The following SIMC1 variants were observed in gnomAD, a reference collection of about 807,000 sequenced individuals.
SIMC1 encodes the protein SUMO interacting motifs containing 1, also known as SUMO-interacting motif-containing protein 1.
Under a neutral mutation model 82.3 loss-of-function variants are expected in SIMC1, and 55 were observed. The observed-to-expected ratio is 0.67, with a 90% CI of 0.54 to 0.84. The LOEUF (loss-of-function observed/expected upper bound fraction) is 0.84, where lower values mean the gene tolerates loss of function less well. Ranked by LOEUF, SIMC1 falls within the 40% of genes least tolerant of loss-of-function variation. The pLI, the probability that SIMC1 is intolerant of heterozygous loss-of-function variation, is 0.00. For synonymous variants in SIMC1, 353 were observed against 426.3 expected, an observed-to-expected ratio of 0.83 and a Z score of 2.12; for missense variants, 915 against 1,107.2, an observed-to-expected ratio of 0.83 and a Z score of 2.46.
chr5:176,308,869 C>A, intron 4 of SIMC1: 1 of 1,331,622 alleles, frequency 7.5e-7, no homozygotes, highest in Non-Finnish European at 1.1e-6. Context: ...CAGTGTTTAC[C>A]AAGAATCTGT....
At chr5:176,275,035 G>C (rs1349389326) in intron 1 of SIMC1, among the ~76,000 whole-genome samples, 1 of 151,606 alleles carries the variant, frequency 6.6e-6, no homozygotes, top group East Asian at 1.9e-4. Context: ...AGCTTGATGG[G>C]GATGGCATTG....
intron 6 of SIMC1, 56 bp from the exon 7 acceptor site, chr5:176,324,573 A>G (rs1765294112): frequency 7.0e-6 from 11 of 1,568,362 alleles, no homozygotes; most frequent in Non-Finnish European, 9.5e-6. Context: ...TCCCAGCCAG[A>G]GAGTGGCTCC....
intron 5 of SIMC1, among the ~76,000 whole-genome samples, chr5:176,319,846 C>T (rs1312702326): frequency 6.6e-6 from 1 of 152,104 alleles, no homozygotes; most frequent in Non-Finnish European, 1.5e-5. Context: ...GTCTCTATCT[C>T]TTTATGTTAA....
At chr5:176,277,340 G>A (rs1186383267) in intron 1 of SIMC1, among the ~76,000 whole-genome samples, 1 of 151,766 alleles carries the variant, frequency 6.6e-6, no homozygotes, top group Non-Finnish European at 1.5e-5. Context: ...TGTAGATTCT[G>A]GATATTAGCC....
At chr5:176,294,857 C>G in intron 2 of SIMC1, 173 bp from the exon 3 acceptor site, 1 of 885,510 alleles carries the variant, frequency 1.1e-6, no homozygotes, top group South Asian at 1.9e-5. Flanking sequence ...CCCAGCTACT[C>G]TGGAGGCTGA....
chr5:176,313,962 G>A, intron 5 of SIMC1, 117 bp downstream of exon 5: 1 of 1,317,534 alleles, frequency 7.6e-7, no homozygotes, highest in East Asian at 2.5e-5. Flanking sequence ...GTGTAATAGG[G>A]CTAATTTTTA....
At chr5:176,292,574 C>A (rs1396455401) in intron 2 of SIMC1, among the ~76,000 whole-genome samples, 2 of 151,984 alleles carry the variant, frequency 1.3e-5, no homozygotes, top group Non-Finnish European at 2.9e-5. Flanking sequence ...AGAGTCTCAC[C>A]CTGTCACCCA....
At chr5:176,322,075 A>T (rs1405795272) in intron 5 of SIMC1, among the ~76,000 whole-genome samples, 198 bp from the exon 6 acceptor site, 1 of 151,848 alleles carries the variant, frequency 6.6e-6, no homozygotes, top group Non-Finnish European at 1.5e-5. Context: ...TGTTTTTATT[A>T]GACTTGTTTA....
chr5:176,273,638 A>G (rs183753935), intron 1 of SIMC1, among the ~76,000 whole-genome samples: 4 of 152,252 alleles, frequency 2.6e-5, no homozygotes, highest in East Asian at 3.9e-4. Flanking sequence ...ATATCTCCCA[A>G]TGCTATCCCT....
At chr5:176,344,468 TACACACACACACACACACACACACAC>T (rs57991528) in intron 9 of SIMC1, among the ~76,000 whole-genome samples, 1 of 146,542 alleles carries the variant, frequency 6.8e-6, no homozygotes, top group East Asian at 2.0e-4. Context: ...GTCAGGAGTA[TACACACACACACACACACACACACAC>T]ACACACACAC....
At chr5:176,289,607 C>T (rs1305179987) in intron 1 of SIMC1, 47 bp from the exon 2 acceptor site, 1 of 1,434,846 alleles carries the variant, frequency 7.0e-7, no homozygotes, top group Non-Finnish European at 9.4e-7. Context: ...TCAGATAAAG[C>T]TAATACTCCC....
At chr5:176,274,909 G>A (rs570405291) in intron 1 of SIMC1, among the ~76,000 whole-genome samples, 2 of 151,862 alleles carry the variant, frequency 1.3e-5, no homozygotes, top group African/African-American at 2.4e-5. Context: ...GTCAGGTAGC[G>A]TGATGCCTCC....
At chr5:176,330,824 A>G (rs1406547928) in intron 7 of SIMC1, among the ~76,000 whole-genome samples, 1 of 152,178 alleles carries the variant, frequency 6.6e-6, no homozygotes, top group East Asian at 1.9e-4. Flanking sequence ...GAGTAACAAG[A>G]TATTTGCATG....
chr5:176,285,813 C>T (rs1359871885), intron 1 of SIMC1, among the ~76,000 whole-genome samples: 1 of 152,048 alleles, frequency 6.6e-6, no homozygotes, highest in Non-Finnish European at 1.5e-5. Flanking sequence ...AATCAATGTG[C>T]AAAAAATCAC....
At chr5:176,252,569 TC>T (rs779217281) in intron 1 of SIMC1, among the ~76,000 whole-genome samples, 41 of 148,484 alleles carry the variant, frequency 2.8e-4, no homozygotes, top group Non-Finnish European at 7.4e-5. Flanking sequence ...GCTCCTCACT[TC>T]CTAGATGGGA....
intron 7 of SIMC1, among the ~76,000 whole-genome samples, chr5:176,326,526 C>T (rs1249854571): frequency 6.6e-6 from 1 of 152,014 alleles, no homozygotes; most frequent in Non-Finnish European, 1.5e-5. Flanking sequence ...AGCCACCGCA[C>T]CCAACCTTAT....
Position 176,345,654 on chromosome 5 carries a change from GTA to G in SIMC1, c.*217_*218del, listed in dbSNP as rs1407951075. Reference sequence around the variant, plus strand: ...CTCAAATATGGCTTAAATATACAAGGTATATATATTTTTTAATAAATTATTTA... The same window carrying G: ...CTCAAATATGGCTTAAATATACAAGGTATATATTTTTTAATAAATTATTTA... On this transcript the variant is annotated 3_prime_UTR_variant, in exon 10 of 10. Transcript: ENST00000429602. The G allele has an allele frequency of 1.2e-5, 4 of 326,648 alleles. No individual in the cohort carries two copies. The highest frequency in any genetic ancestry group is 6.4e-5 in the African/African-American group (3 of 46,764). The allele number at this position is 326,648 out of a possible 1,614,324, so 20.2% of individuals were successfully genotyped here.
chr5:176,291,244 A>C (rs1416079354), intron 2 of SIMC1, among the ~76,000 whole-genome samples: 1 of 146,718 alleles, frequency 6.8e-6, no homozygotes, highest in Non-Finnish European at 1.5e-5. Flanking sequence ...GCTCACTGCA[A>C]CCTCCGCCTC....
In SIMC1 at chr5:176,285,425, C is replaced by T. The variant is rs1581253886; in HGVS notation, c.130-4229C>T. Among the ~76,000 whole-genome samples the T allele has an allele frequency of 2.0e-5, 3 of 152,298 alleles. No homozygotes were observed. In the South Asian group the frequency reaches 6.2e-4, roughly 32 times the overall value. On this transcript the variant is annotated intron_variant, in intron 1 of 9. Coordinates refer to ENST00000429602, the MANE Select transcript of SIMC1 (RefSeq NM_001308195.2). ...CAATAGATGCAGAAAAGGCCTTTGA[C>T]AAAATTCAACAGCACTTCATGCTAA...
Sources: allele counts gnomAD v4.1 joint callset (sites outside exome capture counted in the v4.1 genomes callset), GRCh38; gene constraint gnomAD v4.1.1; transcripts MANE v1.5; gene names NCBI Gene and HGNC (gene_info 2026-07-23, HGNC 2026-07-21).